METTL15: variants seen among roughly 807,000 people sequenced by gnomAD.
The protein encoded by METTL15 is methyltransferase 15, mitochondrial 12S rRNA N4-cytidine.
Under a neutral mutation model 38.3 loss-of-function variants are expected in METTL15, and 34 were observed. The observed-to-expected ratio is 0.89, with a 90% confidence interval of 0.68 to 1.18. METTL15 has a LOEUF of 1.18. METTL15 is among the 50% of genes most tolerant of loss of function. The pLI, the probability that METTL15 is intolerant of heterozygous loss-of-function variation, is 0.00. For synonymous variants in METTL15, 162 were observed against 170.9 expected, an observed-to-expected ratio of 0.95 and a Z score of 0.41; for missense variants, 438 against 498.4, an observed-to-expected ratio of 0.88 and a Z score of 1.15.
At chr11:28,510,776 A>G (rs2133500265) in intron 6 of METTL15, among the ~76,000 whole-genome samples, 1 of 152,306 alleles carries the variant, frequency 6.6e-6, no homozygotes, top group South Asian at 2.1e-4. Context: ...TGCATACTCT[A>G]AACATACCAT....
intron 5 of METTL15, among the ~76,000 whole-genome samples, chr11:28,375,480 G>T (rs901435311): frequency 6.6e-6 from 1 of 151,646 alleles, no homozygotes; most frequent in African/African-American, 2.4e-5. Flanking sequence ...TTCTCTGATG[G>T]TAGTTTGTAT....
At chr11:28,125,822 C>G (rs1466895841) in intron 3 of METTL15, 3 of 151,932 alleles carry the variant, frequency 2.0e-5, no homozygotes, top group Non-Finnish European at 1.5e-5. Context: ...GTAAACTTAC[C>G]TTATAGTATA....
At chr11:28,304,428 T>G (rs940480383) in intron 6 of METTL15, among the ~76,000 whole-genome samples, 1 of 152,096 alleles carries the variant, frequency 6.6e-6, no homozygotes, top group Non-Finnish European at 1.5e-5. Context: ...AATGATAAGA[T>G]AAAATTTATG....
At chr11:28,445,322 T>C (rs528041205) in intron 6 of METTL15, among the ~76,000 whole-genome samples, 1 of 152,270 alleles carries the variant, frequency 6.6e-6, no homozygotes, top group South Asian at 2.1e-4. Context: ...TTTTGTCATA[T>C]TTGTCTCATC....
At chr11:28,351,300 C>T (rs932697664) in intron 3 of METTL15, among the ~76,000 whole-genome samples, 2 of 151,978 alleles carry the variant, frequency 1.3e-5, no homozygotes, top group Non-Finnish European at 2.9e-5. Flanking sequence ...TTAGTAGAAA[C>T]GGGTTTCACT....
intron 5 of METTL15, among the ~76,000 whole-genome samples, chr11:28,389,378 C>A (rs1330295990): frequency 2.8e-5 from 3 of 107,818 alleles, no homozygotes; most frequent in Non-Finnish European, 5.4e-5. Flanking sequence ...CTGTCCCTCC[C>A]CCCTCCCCCC....
At chr11:28,170,368 A>G (rs1177838257) in intron 3 of METTL15, among the ~76,000 whole-genome samples, 1 of 152,070 alleles carries the variant, frequency 6.6e-6, no homozygotes, top group South Asian at 2.1e-4. Context: ...TGAAGCTGTT[A>G]GCGGAAAGGG....
At chr11:28,302,372 T>G (rs1013733749) in intron 6 of METTL15, among the ~76,000 whole-genome samples, 1 of 152,184 alleles carries the variant, frequency 6.6e-6, no homozygotes, top group Non-Finnish European at 1.5e-5. Flanking sequence ...AAATGTCCTC[T>G]TAAATGGTTT....
At chr11:28,380,547 CTT>C (rs1371298158) in intron 5 of METTL15, among the ~76,000 whole-genome samples, 1 of 152,052 alleles carries the variant, frequency 6.6e-6, no homozygotes, top group Admixed American at 6.6e-5. Flanking sequence ...CTCATATCTT[CTT>C]TTCTTTCTTA....
chr11:28,464,137 T>A (rs1257297331), intron 6 of METTL15, among the ~76,000 whole-genome samples: 1 of 152,182 alleles, frequency 6.6e-6, no homozygotes, highest in Non-Finnish European at 1.5e-5. Context: ...TCACTTCAGT[T>A]GTGGTAAGAT....
chr11:28,165,768 T>C (rs1850637753), intron 3 of METTL15, among the ~76,000 whole-genome samples: 1 of 152,140 alleles, frequency 6.6e-6, no homozygotes, highest in African/African-American at 2.4e-5. Flanking sequence ...TGTTTTCTTC[T>C]AGTAGTTTTC....
chr11:28,298,047 A>C (rs1431410623), intron 6 of METTL15, among the ~76,000 whole-genome samples: 1 of 152,050 alleles, frequency 6.6e-6, no homozygotes, highest in Non-Finnish European at 1.5e-5. Context: ...TTAATTTTTT[A>C]AGCCACATAT....
chr11:28,219,452 T>G (rs1049417918), intron 4 of METTL15, among the ~76,000 whole-genome samples: 3 of 152,190 alleles, frequency 2.0e-5, no homozygotes, highest in African/African-American at 7.2e-5. Context: ...TTCTCTCTTT[T>G]CTTCTTTATT....
chr11:28,274,278 G>A (rs1396803107), intron 4 of METTL15, among the ~76,000 whole-genome samples: 1 of 152,018 alleles, frequency 6.6e-6, no homozygotes, highest in East Asian at 1.9e-4. Context: ...TTTCAGAGAT[G>A]TAAAAGGGTA....
At chr11:28,524,091 A>C (rs1851789454) in intron 6 of METTL15, among the ~76,000 whole-genome samples, 1 of 152,242 alleles carries the variant, frequency 6.6e-6, no homozygotes, top group South Asian at 2.1e-4. Context: ...GAATAATCCA[A>C]ATTGGTTTTC....
At chr11:28,526,094 G>A (rs1338237082) in intron 6 of METTL15, among the ~76,000 whole-genome samples, 2 of 152,226 alleles carry the variant, frequency 1.3e-5, no homozygotes, top group Admixed American at 6.5e-5. Flanking sequence ...GGCCTGCCAA[G>A]CCCATGCCCA....
At chr11:28,525,282 T>C (rs927718065) in intron 6 of METTL15, among the ~76,000 whole-genome samples, 8 of 152,150 alleles carry the variant, frequency 5.3e-5, no homozygotes, top group Admixed American at 6.5e-5. Flanking sequence ...ATCCTGCTGA[T>C]TGGTCCATTT....
intron 6 of METTL15, among the ~76,000 whole-genome samples, chr11:28,448,603 C>G (rs1215332201): frequency 6.6e-6 from 1 of 152,114 alleles, no homozygotes; most frequent in Non-Finnish European, 1.5e-5. Context: ...TTTTATTTTT[C>G]TCTGATTTTG....
At chr11:28,432,608 A>G (rs1315138714) in intron 6 of METTL15, among the ~76,000 whole-genome samples, 1 of 152,234 alleles carries the variant, frequency 6.6e-6, no homozygotes, top group Non-Finnish European at 1.5e-5. Context: ...CCTCTCCACC[A>G]TTTTTAGCAG....
Sources: allele counts gnomAD v4.1 joint callset (sites outside exome capture counted in the v4.1 genomes callset), GRCh38; gene constraint gnomAD v4.1.1; transcripts MANE v1.5; gene names NCBI Gene and HGNC (gene_info 2026-07-23, HGNC 2026-07-21).